Variants in POU2F1 observed in about 807,000 individuals in gnomAD.
POU2F1 encodes POU domain, class 2, transcription factor 1.
POU2F1 carries 16 observed loss-of-function variants against 84.9 expected under a neutral mutation model. The ratio of observed to expected loss-of-function variants is 0.19; its 90% confidence interval spans 0.13 to 0.29. The LOEUF (loss-of-function observed/expected upper bound fraction) is 0.29. POU2F1 is among the 10% of genes least tolerant of loss of function. The pLI, the probability that POU2F1 is intolerant of heterozygous loss-of-function variation, is 1.00. For missense variants in POU2F1, 738 were observed against 942.6 expected, an observed-to-expected ratio of 0.78 and a Z score of 2.84; for synonymous variants, 368 against 368.3, an observed-to-expected ratio of 1.00 and a Z score of 0.01.
chr1:167,264,303 G>A (rs1433936283), intron 1 of POU2F1, among the ~76,000 whole-genome samples: 1 of 152,012 alleles, frequency 6.6e-6, no homozygotes, highest in Admixed American at 6.6e-5. Flanking sequence ...TGTAGGTAGG[G>A]CAAAGAGTGG....
chr1:167,236,109 ATCT>A (rs956772918), intron 1 of POU2F1, among the ~76,000 whole-genome samples: 1 of 150,390 alleles, frequency 6.6e-6, no homozygotes, highest in African/African-American at 2.4e-5. Context: ...TAATTTGGAC[ATCT>A]TTTTTTTTTT....
intron 1 of POU2F1, among the ~76,000 whole-genome samples, chr1:167,280,365 T>TC (rs1653047873): frequency 6.6e-6 from 1 of 152,030 alleles, no homozygotes; most frequent in African/African-American, 2.4e-5. Context: ...GTAGGGTTTT[T>TC]TTTTTTTTCA....
chr1:167,388,804 G>A (rs948866696), intron 8 of POU2F1, among the ~76,000 whole-genome samples: 3 of 152,184 alleles, frequency 2.0e-5, no homozygotes, highest in African/African-American at 7.2e-5. Flanking sequence ...ATCTTCTATA[G>A]ATTCTTGCTC....
rs765818495 is a variant in POU2F1, at chr1:167,423,621, C to G, written c.*7811C>G. On this transcript the variant is annotated 3_prime_UTR_variant, in exon 16 of 16. Transcript: ENST00000367866. ...TTTCTGTGTCCCTGTATCTGCCCAC[C>G]CTGCACAGGGCTCCACCACCCAGGG... The G allele has an allele frequency of 3.3e-5, 5 of 152,146 alleles. No homozygotes were observed. Among genetic ancestry groups the G allele is most frequent in the Non-Finnish European group, 7.3e-5 (5 of 68,036 alleles). 9.4% of individuals were successfully genotyped at this position (152,146 alleles called of 1,614,324 possible). A position where few individuals can be genotyped will look rare whatever the true frequency, so the allele number is the denominator to read the frequency against.
intron 1 of POU2F1, among the ~76,000 whole-genome samples, chr1:167,245,209 A>G (rs1210777409): frequency 1.3e-5 from 2 of 152,080 alleles, no homozygotes; most frequent in Non-Finnish European, 2.9e-5. Context: ...AATGGTTGTT[A>G]AAATGGCTAA....
chr1:167,355,959 A>T (rs1658905401), intron 2 of POU2F1, among the ~76,000 whole-genome samples: 1 of 151,606 alleles, frequency 6.6e-6, no homozygotes, highest in Admixed American at 6.6e-5. Context: ...TATTATTATT[A>T]TTTTTTGAGA....
At chr1:167,410,637 T>C (rs1278913662) in intron 13 of POU2F1, among the ~76,000 whole-genome samples, 1 of 152,096 alleles carries the variant, frequency 6.6e-6, no homozygotes, top group Non-Finnish European at 1.5e-5. Flanking sequence ...TGCCTCAGCC[T>C]CCTGAGTAGC....
chr1:167,335,415 G>C (rs1657381176), intron 2 of POU2F1, among the ~76,000 whole-genome samples: 2 of 152,294 alleles, frequency 1.3e-5, no homozygotes, highest in South Asian at 2.1e-4. Flanking sequence ...GAGCAAGAGA[G>C]TGGAGAAAGA....
intron 2 of POU2F1, among the ~76,000 whole-genome samples, chr1:167,341,664 T>C (rs1256367299): frequency 6.6e-6 from 1 of 152,078 alleles, no homozygotes; most frequent in Non-Finnish European, 1.5e-5. Flanking sequence ...TAGGGGTGGG[T>C]GTCTGCAACT....
chr1:167,403,409 G>A (rs923333921), intron 13 of POU2F1, among the ~76,000 whole-genome samples: 44 of 152,176 alleles, frequency 2.9e-4, no homozygotes, highest in Non-Finnish European at 4.7e-4. Flanking sequence ...TTAAGCTGCC[G>A]AATTTGTGTC....
chr1:167,340,431 C>CTTTTTTTTTTTTTTTTT (rs761386225), intron 2 of POU2F1, among the ~76,000 whole-genome samples: 5 of 122,324 alleles, frequency 4.1e-5, no homozygotes, highest in African/African-American at 1.7e-4. Context: ...TTCTTTTTTT[C>CTTTTTTTTTTTTTTTTT]TTTTTTTTTT....
intron 2 of POU2F1, among the ~76,000 whole-genome samples, chr1:167,351,519 C>CAAAAAAAAAAAAAAAAAAAAAAAAAAA (rs34170498): frequency 1.5e-4 from 7 of 45,990 alleles, no homozygotes; most frequent in East Asian, 8.0e-4. Context: ...AGCACCATCT[C>CAAAAAAAAAAAAAAAAAAAAAAAAAAA]AAAAAAAAAA....
intron 1 of POU2F1, among the ~76,000 whole-genome samples, chr1:167,248,826 G>T (rs1375184916): frequency 6.6e-6 from 1 of 152,066 alleles, no homozygotes; most frequent in Non-Finnish European, 1.5e-5. Context: ...TATTTTCCAT[G>T]TATTAACTCC....
Position 167,418,935 on chromosome 1 carries a change from T to C in POU2F1, c.*3125T>C, listed in dbSNP as rs181346035. The C allele has an allele frequency of 2.0e-5, 3 of 152,306 alleles. No homozygotes were observed. The East Asian group carries it at 5.8e-4, about 29-fold the overall frequency. 9.4% of individuals were successfully genotyped at this position (152,306 alleles called of 1,614,324 possible). On this transcript the variant is annotated 3_prime_UTR_variant, in exon 16 of 16. Coordinates refer to ENST00000367866, the MANE Select transcript of POU2F1 (RefSeq NM_002697.4). ...AAAAATAAATTTTTTTCTCTTTTTT[T>C]ACTTATTTAAAAATAAGTTGTGAAA...
intron 1 of POU2F1, among the ~76,000 whole-genome samples, chr1:167,226,566 T>C (rs1466379296): frequency 6.6e-6 from 1 of 152,200 alleles, no homozygotes; most frequent in African/African-American, 2.4e-5. Context: ...GTAATAACAA[T>C]GGAAACAAAA....
At chr1:167,415,064 C>T (rs945569177) in intron 15 of POU2F1, among the ~76,000 whole-genome samples, 1 of 152,160 alleles carries the variant, frequency 6.6e-6, no homozygotes, top group Non-Finnish European at 1.5e-5. Flanking sequence ...GCTGTAATGC[C>T]CACCACTCAC....
chr1:167,231,804 C>G (rs1166102587), intron 1 of POU2F1, among the ~76,000 whole-genome samples: 1 of 152,136 alleles, frequency 6.6e-6, no homozygotes, highest in Admixed American at 6.6e-5. Flanking sequence ...AAGGGGCTCT[C>G]TGAGGATATC....
At chr1:167,237,455 T>A (rs1649550230) in intron 1 of POU2F1, among the ~76,000 whole-genome samples, 1 of 152,174 alleles carries the variant, frequency 6.6e-6, no homozygotes, top group Non-Finnish European at 1.5e-5. Context: ...TGGCCATTTT[T>A]ATCAAGTAAT....
intron 1 of POU2F1, among the ~76,000 whole-genome samples, chr1:167,244,351 T>C (rs944900785): frequency 6.6e-6 from 1 of 152,106 alleles, no homozygotes; most frequent in Non-Finnish European, 1.5e-5. Flanking sequence ...AGTTGTTGAC[T>C]GGACTCAGTT....
Sources: gnomAD v4.1 joint callset for allele counts (sites outside exome capture counted in the v4.1 genomes callset) on GRCh38, gnomAD v4.1.1 for gene constraint, MANE v1.5 for transcripts, NCBI Gene and HGNC (gene_info 2026-07-23, HGNC 2026-07-21) for gene names.